KCNH5: variants seen among roughly 807,000 people sequenced by gnomAD.
The protein encoded by KCNH5 is voltage-gated delayed rectifier potassium channel KCNH5.
KCNH5 carries 46 observed loss-of-function variants against 96.1 expected under a neutral mutation model. The observed-to-expected ratio is 0.48, with a 90% CI of 0.38 to 0.61. KCNH5 has a LOEUF of 0.61. KCNH5 is among the 20% of genes least tolerant of loss of function. The pLI is 0.00. For missense variants in KCNH5, 907 were observed against 1,225.8 expected (o/e 0.74, Z 3.88); for synonymous variants, 439 against 449.8 (o/e 0.98, Z 0.30).
At chr14:63,014,993 T>C (rs28758782) in intron 2 of KCNH5, among the ~76,000 whole-genome samples, 6,195 of 152,134 alleles carry the variant, frequency 0.041, 155 homozygotes, top group African/African-American at 0.045. Flanking sequence ...ATGCTTAATA[T>C]GGCCCAACGA....
chr14:62,721,731 T>C (rs1305392872), intron 10 of KCNH5, among the ~76,000 whole-genome samples: 1 of 152,188 alleles, frequency 6.6e-6, no homozygotes, highest in African/African-American at 2.4e-5. Context: ...TGGCATCACC[T>C]CTTTCATTTA....
chr14:62,843,431 T>G (rs1462511005), intron 8 of KCNH5, among the ~76,000 whole-genome samples: 2 of 119,436 alleles, frequency 1.7e-5, no homozygotes, highest in African/African-American at 7.6e-5. Flanking sequence ...TTTTTTTTTT[T>G]GACAGTATCT....
At chr14:62,965,999 T>C (rs1890298189) in intron 6 of KCNH5, among the ~76,000 whole-genome samples, 2 of 152,140 alleles carry the variant, frequency 1.3e-5, no homozygotes, top group African/African-American at 2.4e-5. Flanking sequence ...GTTTCCATGA[T>C]ATAGACCTCT....
chr14:62,829,771 C>T (rs932847075), intron 8 of KCNH5, among the ~76,000 whole-genome samples: 35 of 152,258 alleles, frequency 2.3e-4, no homozygotes, highest in African/African-American at 7.2e-4. Context: ...TATTAACATT[C>T]GGTTTCTCTT....
At chr14:62,902,066 T>A (rs1888936992) in intron 7 of KCNH5, among the ~76,000 whole-genome samples, 1 of 152,148 alleles carries the variant, frequency 6.6e-6, no homozygotes, top group African/African-American at 2.4e-5. Context: ...TTAATGGGTT[T>A]TTTTTTCCTT....
chr14:62,987,299 C>A (rs1890727598), intron 4 of KCNH5, 112 bp from the exon 5 acceptor site: 1 of 713,420 alleles, frequency 1.4e-6, no homozygotes, highest in Non-Finnish European at 2.5e-6. Flanking sequence ...AAAATGAATG[C>A]AAAGTATCAA....
At chr14:62,817,181 C>T (rs1412330653) in intron 8 of KCNH5, among the ~76,000 whole-genome samples, 2 of 129,266 alleles carry the variant, frequency 1.5e-5, no homozygotes, top group Non-Finnish European at 3.2e-5. Flanking sequence ...ATATAATATA[C>T]TATATATTAT....
chr14:62,877,378 A>G (rs1888396413), intron 7 of KCNH5, among the ~76,000 whole-genome samples: 1 of 152,034 alleles, frequency 6.6e-6, no homozygotes, highest in African/African-American at 2.4e-5. Flanking sequence ...TCTGCACAGC[A>G]AAAGAAACTA....
chr14:63,025,069 G>C (rs1441885024), intron 1 of KCNH5, among the ~76,000 whole-genome samples: 2 of 152,222 alleles, frequency 1.3e-5, no homozygotes, highest in African/African-American at 4.8e-5. Context: ...GAGATGCAAG[G>C]ATTGTTCAAT....
intron 10 of KCNH5, among the ~76,000 whole-genome samples, chr14:62,749,470 T>C (rs1885449548): frequency 6.6e-6 from 1 of 152,184 alleles, no homozygotes; most frequent in Non-Finnish European, 1.5e-5. Context: ...TGGGGATCCT[T>C]CCTTCCAAGT....
At chr14:62,804,265 G>T (rs966298661) in intron 8 of KCNH5, among the ~76,000 whole-genome samples, 1 of 152,052 alleles carries the variant, frequency 6.6e-6, no homozygotes, top group African/African-American at 2.4e-5. Context: ...TGAAAAATCT[G>T]ATCTTTGAGG....
intron 1 of KCNH5, among the ~76,000 whole-genome samples, chr14:63,031,467 T>G (rs1891624870): frequency 6.6e-6 from 1 of 151,992 alleles, no homozygotes; most frequent in South Asian, 2.1e-4. Flanking sequence ...CTATAGCAAT[T>G]CCAGGAGAAA....
intron 10 of KCNH5, among the ~76,000 whole-genome samples, chr14:62,714,470 T>C (rs1417812958): frequency 6.6e-6 from 1 of 152,202 alleles, no homozygotes; most frequent in African/African-American, 2.4e-5. Context: ...AAAGAATCTA[T>C]AAACAGTAAG....
intron 4 of KCNH5, among the ~76,000 whole-genome samples, chr14:62,989,746 A>G (rs1170031259): frequency 1.3e-5 from 2 of 152,150 alleles, no homozygotes; most frequent in Non-Finnish European, 2.9e-5. Flanking sequence ...GGCCTGGCAT[A>G]AAATACACCA....
chr14:62,985,940 T>A (rs60695110), intron 5 of KCNH5, among the ~76,000 whole-genome samples: 1,651 of 152,278 alleles, frequency 0.011, 35 homozygotes, highest in African/African-American at 0.038. Context: ...CCAACAGAAC[T>A]ATCTACCCTG....
At chr14:62,886,982 G>A (rs115876079) in intron 7 of KCNH5, among the ~76,000 whole-genome samples, 2,403 of 152,156 alleles carry the variant, frequency 0.016, 65 homozygotes, top group African/African-American at 0.055. Flanking sequence ...ATCAAAAAAT[G>A]CCAAACAAAA....
In KCNH5 at chr14:63,006,409, G is replaced by A. The variant is rs150609268; in HGVS notation, c.261C>T (p.Asn87=). 600 of 1,612,872 alleles carry A rather than the reference G, an allele frequency of 3.7e-4. 1 individual carries two copies. The highest frequency in any genetic ancestry group is 4.8e-4 in the Non-Finnish European group (562 of 1,179,284). ...GAACTTCAAAGCAGTTTGATTCGTA[G>A]TTGTCAAAAGTTTGCCTGACTTTCT... The part of the protein sequence containing the change: ...TIEKVRQTFD[N]YESNCFEVLL... Residue 87 remains asparagine (N), a synonymous_variant, in exon 3 of 11, where the codon AAC becomes AAT. Transcript: ENST00000322893.
At chr14:63,036,831 A>T (rs910733783) in intron 1 of KCNH5, among the ~76,000 whole-genome samples, 2 of 152,184 alleles carry the variant, frequency 1.3e-5, no homozygotes, top group Non-Finnish European at 2.9e-5. Context: ...AGCTCATGAT[A>T]GCTATAAGAT....
At chr14:62,784,123 T>A (rs1886273490) in intron 9 of KCNH5, among the ~76,000 whole-genome samples, 1 of 152,180 alleles carries the variant, frequency 6.6e-6, no homozygotes, top group Admixed American at 6.5e-5. Context: ...TGGGGAGGCC[T>A]CACAATCATG....
Sources: allele counts gnomAD v4.1 joint callset (sites outside exome capture counted in the v4.1 genomes callset), GRCh38; gene constraint gnomAD v4.1.1; transcripts MANE v1.5; gene names NCBI Gene and HGNC (gene_info 2026-07-23, HGNC 2026-07-21).